Variants in TMEM245 observed in about 807,000 individuals in gnomAD.
The protein encoded by TMEM245 is transmembrane protein 245.
Under a neutral mutation model 101.2 loss-of-function variants are expected in TMEM245, and 69 were observed. The observed-to-expected ratio is 0.68, with a 90% confidence interval of 0.56 to 0.83. TMEM245 has a LOEUF of 0.83. Ranked by LOEUF, TMEM245 falls within the 40% of genes least tolerant of loss-of-function variation. The probability of loss-of-function intolerance (pLI) is 0.00; values close to 1 mark genes in which losing one functional copy is unlikely to be tolerated. For synonymous variants in TMEM245, 537 were observed against 449.8 expected (o/e 1.19, Z -2.45); for missense variants, 1,075 against 1,092.8 (o/e 0.98, Z 0.23).
intron 6 of TMEM245, 38 bp from the exon 7 acceptor site, chr9:109,086,058 G>C: frequency 1.2e-6 from 2 of 1,602,380 alleles, no homozygotes; most frequent in Non-Finnish European, 1.7e-6. Context: ...GAGAAGATAA[G>C]AACAGTGGAG....
chr9:109,054,720 C>G (rs1588037667), intron 12 of TMEM245, among the ~76,000 whole-genome samples: 1 of 152,190 alleles, frequency 6.6e-6, no homozygotes, highest in East Asian at 1.9e-4. Flanking sequence ...GATAATACAA[C>G]ATTATATAAA....
intron 17 of TMEM245, among the ~76,000 whole-genome samples, chr9:109,027,417 C>G (rs1827822156): frequency 6.6e-6 from 1 of 152,146 alleles, no homozygotes; most frequent in African/African-American, 2.4e-5. Context: ...GGGTGGGCAT[C>G]CATCCCAACA....
At chr9:109,023,620 G>T (rs966314830) in intron 17 of TMEM245, among the ~76,000 whole-genome samples, 6 of 152,102 alleles carry the variant, frequency 3.9e-5, no homozygotes, top group Non-Finnish European at 8.8e-5. Flanking sequence ...GGATCACGAG[G>T]TCAGGAGATC....
chr9:109,077,997 T>C (rs2132510103), intron 8 of TMEM245, among the ~76,000 whole-genome samples: 1 of 152,346 alleles, frequency 6.6e-6, no homozygotes, highest in South Asian at 2.1e-4. Context: ...CTGTTGTTCC[T>C]GCACTGCCTT....
chr9:109,091,243 C>T (rs1255340247), intron 4 of TMEM245, 88 bp from the exon 5 acceptor site: 6 of 1,179,136 alleles, frequency 5.1e-6, no homozygotes, highest in South Asian at 1.5e-5. Flanking sequence ...TAGCCTGTTT[C>T]AGGCCTTCAA....
intron 14 of TMEM245, among the ~76,000 whole-genome samples, chr9:109,049,390 T>C (rs908838826): frequency 1.3e-5 from 2 of 152,156 alleles, no homozygotes; most frequent in African/African-American, 4.8e-5. Flanking sequence ...ATCTTTTTTA[T>C]TTTTAGTAGA....
intron 1 of TMEM245, among the ~76,000 whole-genome samples, chr9:109,115,154 C>A (rs1352243678): frequency 6.6e-6 from 1 of 152,062 alleles, no homozygotes; most frequent in African/African-American, 2.4e-5. Flanking sequence ...CAAGACCAGC[C>A]TGGCCAACAT....
At chr9:109,098,737 A>C (rs1374663961) in intron 3 of TMEM245, among the ~76,000 whole-genome samples, 1 of 152,182 alleles carries the variant, frequency 6.6e-6, no homozygotes, top group East Asian at 1.9e-4. Flanking sequence ...AAAGAAAAAA[A>C]AGGAAAGAAC....
rs866371042 is a variant in TMEM245, at chr9:109,095,461, C to T, written c.800-1870G>A. Among the ~76,000 whole-genome samples the T allele has an allele frequency of 4.7e-4, 72 of 152,222 alleles. 2 individuals are homozygous for T. In the Middle Eastern group the frequency reaches 0.01, roughly 22 times the overall value. ...CAGAAGGAAAGCTGTGAGAAGAACC[C>T]GGCATATTAAAGACAGTGAAAGAAG... On this transcript the variant is annotated intron_variant, in intron 3 of 17. Transcript: ENST00000374586.
chr9:109,108,670 G>T, intron 1 of TMEM245, 100 bp from the exon 2 acceptor site: 1 of 751,996 alleles, frequency 1.3e-6, no homozygotes, highest in Non-Finnish European at 2.1e-6. Flanking sequence ...GAATGCTCTG[G>T]ACATAGCACA....
intron 2 of TMEM245, among the ~76,000 whole-genome samples, chr9:109,108,173 T>A (rs1241478415): frequency 6.6e-6 from 1 of 152,132 alleles, no homozygotes; most frequent in Non-Finnish European, 1.5e-5. Flanking sequence ...CCCCTAAGTA[T>A]GACACTCAGA....
At chr9:109,064,596 A>G in intron 9 of TMEM245, 29 bp from the exon 10 acceptor site, 1 of 1,592,220 alleles carries the variant, frequency 6.3e-7, no homozygotes, top group South Asian at 1.1e-5. Context: ...AAAAATGAAA[A>G]AAGTACACTT....
intron 3 of TMEM245, among the ~76,000 whole-genome samples, chr9:109,102,171 T>C (rs1000185435): frequency 6.6e-6 from 1 of 152,124 alleles, no homozygotes; most frequent in African/African-American, 2.4e-5. Context: ...TTACTTCCAC[T>C]AGTCAGATAT....
intron 11 of TMEM245, among the ~76,000 whole-genome samples, chr9:109,059,838 T>C (rs1442621570): frequency 6.6e-6 from 1 of 151,990 alleles, no homozygotes; most frequent in African/African-American, 2.4e-5. Context: ...ACTGAGCACT[T>C]AAAATATGGC....
chr9:109,119,797 G>T lies in TMEM245; in HGVS notation c.117C>A (p.Thr39=). Residue 39 remains threonine, a synonymous_variant, in exon 1 of 18, where the codon ACC becomes ACA. Coordinates refer to ENST00000374586, the MANE Select transcript of TMEM245 (RefSeq NM_032012.4). The part of the protein sequence containing the change: ...PSGGGGETPR[T]AALALRFDKP... ...TGTCGAAGCGCAGCGCCAGCGCCGC[G>T]GTCCGCGGGGTCTCCCCGCCACCGC... 6.9e-7 allele frequency: 1 copy of T among 1,457,140 alleles called. No individual in the cohort carries two copies. Among genetic ancestry groups the T allele is most frequent in the Admixed American group, 2.5e-5 (1 of 40,690 alleles). 90.3% of individuals were successfully genotyped at this position (1,457,140 alleles called of 1,614,324 possible). A position where few individuals can be genotyped will look rare whatever the true frequency, so the allele number is the denominator to read the frequency against.
chr9:109,108,443 A>C lies in TMEM245; in HGVS notation c.697+10T>G. The C allele has an allele frequency of 1.4e-6, 2 of 1,443,836 alleles. No homozygotes were observed. The highest frequency in any genetic ancestry group is 1.9e-6 in the Non-Finnish European group (2 of 1,069,390). 89.4% of individuals were successfully genotyped at this position (1,443,836 alleles called of 1,614,324 possible). ...CTTAAAAAAAAAAAAAAAAAAAAGA[A>C]GGAACCCACCTAAATGAAAAAGCAA... On this transcript the variant is annotated intron_variant, in intron 2 of 17. Transcript: ENST00000374586.
chr9:109,020,267 G>A lies in TMEM245; in HGVS notation c.*193C>T, dbSNP rs1827578657. The A allele has an allele frequency of 1.5e-6, 1 of 663,598 alleles. No individual in the cohort carries two copies. Among genetic ancestry groups the A allele is most frequent in the Non-Finnish European group, 2.8e-6 (1 of 360,524 alleles). 41.1% of individuals were successfully genotyped at this position (663,598 alleles called of 1,614,324 possible). Reference sequence around the variant, plus strand: ...ACCACCAACTCTGAACTCTCAAGCTGTGTTTTAAAATACAAAGCAGCCCGC... The same window carrying A: ...ACCACCAACTCTGAACTCTCAAGCTATGTTTTAAAATACAAAGCAGCCCGC... On this transcript the variant is annotated 3_prime_UTR_variant, in exon 18 of 18. Coordinates refer to ENST00000374586, the MANE Select transcript of TMEM245 (RefSeq NM_032012.4).
chr9:109,088,815 CAAAA>C (rs772216738), intron 5 of TMEM245, among the ~76,000 whole-genome samples: 13 of 67,426 alleles, frequency 1.9e-4, no homozygotes, highest in Admixed American at 3.7e-4. Flanking sequence ...GACTACATCT[CAAAA>C]AAAAAAAAAA....
chr9:109,108,041 T>G (rs1830472754), intron 2 of TMEM245, among the ~76,000 whole-genome samples: 1 of 152,100 alleles, frequency 6.6e-6, no homozygotes, highest in South Asian at 2.1e-4. Context: ...TACCTCTATC[T>G]CCTTCCCACC....
Sources: gnomAD v4.1 joint callset for allele counts (sites outside exome capture counted in the v4.1 genomes callset) on GRCh38, gnomAD v4.1.1 for gene constraint, MANE v1.5 for transcripts, NCBI Gene and HGNC (gene_info 2026-07-23, HGNC 2026-07-21) for gene names.